The following DYNLT2B variants were observed in gnomAD, a reference collection of about 807,000 sequenced individuals.
DYNLT2B encodes dynein light chain Tctex-type protein 2B.
DYNLT2B carries 14 observed loss-of-function variants against 19.5 expected under a neutral mutation model. The observed-to-expected ratio is 0.72, with a 90% CI of 0.47 to 1.12. DYNLT2B has a LOEUF of 1.12. DYNLT2B is among the 50% of genes most tolerant of loss of function. The pLI, the probability that DYNLT2B is intolerant of heterozygous loss-of-function variation, is 0.00. For missense variants in DYNLT2B, 133 were observed against 174.7 expected, an observed-to-expected ratio of 0.76 and a Z score of 1.35; for synonymous variants, 70 against 59.7, an observed-to-expected ratio of 1.17 and a Z score of -0.79.
At chr3:196,310,047 GA>G (rs1398350946) in intron 2 of DYNLT2B, among the ~76,000 whole-genome samples, 4 of 151,768 alleles carry the variant, frequency 2.6e-5, no homozygotes, top group Non-Finnish European at 5.9e-5. Context: ...CACAATACTA[GA>G]ACAATGTAAG....
chr3:196,315,029 A>G (rs1041002824), intron 2 of DYNLT2B, among the ~76,000 whole-genome samples: 9 of 152,082 alleles, frequency 5.9e-5, no homozygotes, highest in Non-Finnish European at 1.2e-4. Flanking sequence ...AACAACCAAG[A>G]AATACAGGGG....
At chr3:196,317,765 G>C (rs1016256420) in intron 1 of DYNLT2B, among the ~76,000 whole-genome samples, 1 of 152,160 alleles carries the variant, frequency 6.6e-6, no homozygotes, top group African/African-American at 2.4e-5. Context: ...CGCCATCGCG[G>C]GTTTCCCAGG....
intron 3 of DYNLT2B, among the ~76,000 whole-genome samples, chr3:196,297,017 C>T (rs1726240318): frequency 6.6e-6 from 1 of 151,014 alleles, no homozygotes. Context: ...CACGGTGAAA[C>T]CCCATCTCTA....
intron 3 of DYNLT2B, among the ~76,000 whole-genome samples, chr3:196,297,058 C>T (rs563133729): frequency 6.0e-5 from 9 of 151,018 alleles, no homozygotes; most frequent in Admixed American, 2.0e-4. Context: ...CCAGGCGTGG[C>T]GGCAGGCACC....
At chr3:196,300,235 A>G (rs1456742811) in intron 3 of DYNLT2B, among the ~76,000 whole-genome samples, 1 of 152,164 alleles carries the variant, frequency 6.6e-6, no homozygotes, top group Non-Finnish European at 1.5e-5. Context: ...TATTTGTGCC[A>G]TTTTCAGCAC....
chr3:196,298,759 T>A (rs1014783566), intron 3 of DYNLT2B, among the ~76,000 whole-genome samples: 1 of 152,124 alleles, frequency 6.6e-6, no homozygotes, highest in African/African-American at 2.4e-5. Context: ...TAAGCTGATA[T>A]TCCGCAGCAG....
chr3:196,302,033 G>A (rs991529358), intron 3 of DYNLT2B, among the ~76,000 whole-genome samples: 1 of 152,064 alleles, frequency 6.6e-6, no homozygotes, highest in African/African-American at 2.4e-5. Context: ...CTTAAACCCA[G>A]GAGGTGAAGG....
intron 2 of DYNLT2B, chr3:196,315,237 T>A (rs1291491579): frequency 1.2e-5 from 5 of 424,756 alleles, no homozygotes; most frequent in Non-Finnish European, 1.8e-5. Flanking sequence ...TACGTTTTTT[T>A]AATAGAGATG....
At chr3:196,312,369 GACA>G (rs987996186) in intron 2 of DYNLT2B, among the ~76,000 whole-genome samples, 23 of 151,816 alleles carry the variant, frequency 1.5e-4, no homozygotes, top group African/African-American at 4.8e-4. Flanking sequence ...CAGATTTCTT[GACA>G]ACAAGTTACC....
rs187833260 is a variant in DYNLT2B, at chr3:196,316,318, A to G, written c.114-87T>C. On this transcript the variant is annotated intron_variant, in intron 1 of 4. Transcript: ENST00000325318. ...CCGCAACTTCTCCCATCTTTTTGTC[A>G]TTAGTACCACTTAATCCTTCTTTTT... 272 of 1,360,166 alleles carry G rather than the reference A, an allele frequency of 2.0e-4. 1 individual carries two copies. The East Asian group carries it at 6.2e-3, about 31-fold the overall frequency. 84.3% of individuals were successfully genotyped at this position (1,360,166 alleles called of 1,614,324 possible).
At chr3:196,308,914 T>TA (rs947191900) in intron 2 of DYNLT2B, among the ~76,000 whole-genome samples, 95 of 144,656 alleles carry the variant, frequency 6.6e-4, no homozygotes, top group Non-Finnish European at 1.2e-3. Context: ...GAGGGGAACT[T>TA]AAAAAAAAAA....
chr3:196,300,175 T>C (rs1726317023), intron 3 of DYNLT2B, among the ~76,000 whole-genome samples: 2 of 152,176 alleles, frequency 1.3e-5, no homozygotes, highest in Non-Finnish European at 2.9e-5. Flanking sequence ...TTCATTTTAG[T>C]TCAATGAAAC....
At chr3:196,315,982 G>A in intron 2 of DYNLT2B, 116 bp downstream of exon 2, 1 of 1,148,124 alleles carries the variant, frequency 8.7e-7, no homozygotes, top group East Asian at 2.5e-5. Context: ...TGGGATTGTA[G>A]GCGTGAGCCA....
At chr3:196,313,350 C>A (rs1211499741) in intron 2 of DYNLT2B, among the ~76,000 whole-genome samples, 1 of 152,040 alleles carries the variant, frequency 6.6e-6, no homozygotes, top group Non-Finnish European at 1.5e-5. Flanking sequence ...ATGCACACCA[C>A]CAGCCCGGCT....
intron 3 of DYNLT2B, among the ~76,000 whole-genome samples, chr3:196,305,163 T>C (rs1443554620): frequency 6.6e-6 from 1 of 151,882 alleles, no homozygotes; most frequent in East Asian, 1.9e-4. Flanking sequence ...GGATTACAGG[T>C]GTGAGCCACC....
intron 4 of DYNLT2B, among the ~76,000 whole-genome samples, chr3:196,292,833 A>C (rs1577384673): frequency 6.6e-6 from 1 of 151,960 alleles, no homozygotes; most frequent in South Asian, 2.1e-4. Context: ...GCCTCTACTA[A>C]TGTTTCCTGG....
chr3:196,300,711 A>C (rs1327225315), intron 3 of DYNLT2B, among the ~76,000 whole-genome samples: 1 of 148,928 alleles, frequency 6.7e-6, no homozygotes, highest in Non-Finnish European at 1.5e-5. Flanking sequence ...CCTGGGCAAC[A>C]AGAATGAAAC....
chr3:196,305,407 A>C (rs1025203617), intron 3 of DYNLT2B, among the ~76,000 whole-genome samples: 6 of 152,238 alleles, frequency 3.9e-5, no homozygotes, highest in African/African-American at 1.4e-4. Context: ...CATATTAAAC[A>C]ATACCATAGG....
At chr3:196,307,890 G>GCC in intron 2 of DYNLT2B, among the ~76,000 whole-genome samples, 1 of 151,588 alleles carries the variant, frequency 6.6e-6, no homozygotes, top group African/African-American at 2.4e-5. Flanking sequence ...GACAAGCCTG[G>GCC]CCAACATGGT....
Sources: allele counts gnomAD v4.1 joint callset (sites outside exome capture counted in the v4.1 genomes callset), GRCh38; gene constraint gnomAD v4.1.1; transcripts MANE v1.5; gene names NCBI Gene and HGNC (gene_info 2026-07-23, HGNC 2026-07-21).